The following POMK variants were observed in gnomAD, a reference collection of about 807,000 sequenced individuals.
POMK encodes the protein protein O-mannose kinase.
A neutral mutation model predicts 23.0 loss-of-function variants in POMK; 19 were observed. That is an observed-to-expected ratio of 0.83 (90% CI 0.58 to 1.21). The LOEUF (loss-of-function observed/expected upper bound fraction) is 1.21. Among genes scored for constraint, POMK ranks in the 50% most tolerant of loss-of-function variants. The probability of loss-of-function intolerance (pLI) is 0.00; values close to 1 mark genes in which losing one functional copy is unlikely to be tolerated. For synonymous variants in POMK, 173 were observed against 171.6 expected, an observed-to-expected ratio of 1.01 and a Z score of -0.06; for missense variants, 410 against 431.3, an observed-to-expected ratio of 0.95 and a Z score of 0.44.
chr8:43,097,488 T>C (rs549496736), intron 1 of POMK, 36 bp from the exon 2 acceptor site: 3 of 152,306 alleles, frequency 2.0e-5, no homozygotes, highest in Admixed American at 6.5e-5. Flanking sequence ...TGAATGCTTA[T>C]GATTTTTTTT....
chr8:43,102,503 A>C lies in POMK; in HGVS notation c.-117-2A>C, dbSNP rs1445804284. ...CACTTCCTGTTTGGTACTTTGTGGC[A>C]GGGTGTTTCCCGACCAGTCCCTGGG... On this transcript the variant is annotated splice_acceptor_variant, in intron 2 of 4. Transcript: ENST00000331373. LOFTEE classifies it low-confidence loss of function (5UTR_SPLICE). The C allele has an allele frequency of 6.6e-6, 1 of 152,328 alleles. No homozygotes were observed. Among genetic ancestry groups the C allele is most frequent in the Admixed American group, 6.5e-5 (1 of 15,284 alleles). 9.4% of individuals were successfully genotyped at this position (152,328 alleles called of 1,614,324 possible).
intron 4 of POMK, among the ~76,000 whole-genome samples, chr8:43,111,063 C>T (rs1013626839): frequency 6.6e-6 from 1 of 152,118 alleles, no homozygotes; most frequent in African/African-American, 2.4e-5. Flanking sequence ...TGGGGAGTGC[C>T]GGACAGTGGG....
At chr8:43,114,984 A>G (rs35316170) in intron 4 of POMK, among the ~76,000 whole-genome samples, 7,354 of 152,278 alleles carry the variant, frequency 0.048, 239 homozygotes, top group South Asian at 0.086. Flanking sequence ...GGCCTGTTGT[A>G]TAGTACATTA....
At chr8:43,098,505 A>G (rs1408489358) in intron 2 of POMK, among the ~76,000 whole-genome samples, 2 of 152,178 alleles carry the variant, frequency 1.3e-5, no homozygotes. Context: ...CATTTTGTCT[A>G]TCCATTCATC....
At chr8:43,095,284 C>T (rs1811312223) in intron 1 of POMK, among the ~76,000 whole-genome samples, 1 of 152,146 alleles carries the variant, frequency 6.6e-6, no homozygotes, top group Non-Finnish European at 1.5e-5. Flanking sequence ...ACAACAATTA[C>T]ATCCACTTCA....
intron 3 of POMK, 45 bp downstream of exon 3, chr8:43,102,645 G>A (rs1478209837): frequency 6.6e-6 from 1 of 152,468 alleles, no homozygotes; most frequent in Admixed American, 6.5e-5. Flanking sequence ...TTCTGTCCCA[G>A]TGCCCCAGCA....
intron 1 of POMK, among the ~76,000 whole-genome samples, chr8:43,095,765 TA>T (rs1811321849): frequency 6.6e-6 from 1 of 152,126 alleles, no homozygotes; most frequent in Admixed American, 6.5e-5. Context: ...ATTCTTCTCT[TA>T]AGGAATTACC....
chr8:43,122,629 C>G lies in POMK; in HGVS notation c.805C>G (p.His269Asp). The G allele has an allele frequency of 6.2e-7, 1 of 1,614,160 alleles. No homozygotes were observed. The highest frequency in any genetic ancestry group is 8.5e-7 in the Non-Finnish European group (1 of 1,180,024). The change falls in exon 5 of 5, where the codon CAC (histidine) becomes GAC (aspartate). Residue 269 changes from histidine (H) to aspartate (D), a missense_variant. By Grantham distance (81) the His-to-Asp change is moderately conservative. Coordinates refer to ENST00000331373, the MANE Select transcript of POMK (RefSeq NM_032237.5). Reference sequence around the variant, plus strand: ...GCCCTATGGAGAGGACGTGCCTTTCCACGATGATCTCATGCCCTCATATGA... The same window carrying G: ...GCCCTATGGAGAGGACGTGCCTTTCGACGATGATCTCATGCCCTCATATGA... ...LWPYGEDVPFHDDLMPSYDEK... is the reference protein window; with the variant it reads ...LWPYGEDVPFDDDLMPSYDEK...
intron 4 of POMK, among the ~76,000 whole-genome samples, chr8:43,118,777 C>A (rs1232062420): frequency 1.3e-5 from 2 of 152,130 alleles, no homozygotes; most frequent in African/African-American, 4.8e-5. Flanking sequence ...AGCCCTGGGG[C>A]CTGTGGCTGA....
chr8:43,120,210 A>G (rs1409604329), intron 4 of POMK, among the ~76,000 whole-genome samples: 1 of 149,024 alleles, frequency 6.7e-6, no homozygotes, highest in African/African-American at 2.5e-5. Context: ...CATTTGTAAC[A>G]TTGCTTTTTT....
chr8:43,117,131 G>C (rs1447631111), intron 4 of POMK, among the ~76,000 whole-genome samples: 1 of 152,172 alleles, frequency 6.6e-6, no homozygotes, highest in African/African-American at 2.4e-5. Flanking sequence ...AATATCATCA[G>C]TTAAGGCAAG....
intron 4 of POMK, among the ~76,000 whole-genome samples, chr8:43,119,995 TA>T (rs1346719902): frequency 6.6e-6 from 1 of 151,632 alleles, no homozygotes; most frequent in Non-Finnish European, 1.5e-5. Context: ...ATTTTTGAGT[TA>T]AAAAATTTAA....
intron 1 of POMK, 71 bp downstream of exon 1, chr8:43,093,634 C>G (rs1314533052): frequency 6.5e-6 from 1 of 153,002 alleles, no homozygotes; most frequent in South Asian, 2.1e-4. Context: ...CCGGGGGACC[C>G]TGTACGTGGC....
chr8:43,102,773 A>T (rs1198393660), intron 3 of POMK, among the ~76,000 whole-genome samples, 173 bp downstream of exon 3: 1 of 152,098 alleles, frequency 6.6e-6, no homozygotes, highest in East Asian at 1.9e-4. Flanking sequence ...CCACGGTCCT[A>T]CTTCAGGCTT....
chr8:43,103,404 A>C (rs925633097), intron 3 of POMK, 124 bp from the exon 4 acceptor site: 1 of 855,816 alleles, frequency 1.2e-6, no homozygotes, highest in African/African-American at 1.7e-5. Context: ...TACCTGCTTT[A>C]ATCCCCACGG....
intron 4 of POMK, among the ~76,000 whole-genome samples, chr8:43,107,716 C>T (rs1481320118): frequency 1.0e-4 from 14 of 134,894 alleles, no homozygotes; most frequent in East Asian, 4.5e-4. Flanking sequence ...AGTCTTGCTC[C>T]GTCACCCAGG....
At chr8:43,114,590 C>T (rs1209320303) in intron 4 of POMK, among the ~76,000 whole-genome samples, 4 of 152,358 alleles carry the variant, frequency 2.6e-5, no homozygotes, top group African/African-American at 4.8e-5. Context: ...CGCCGTGCTT[C>T]GGCTCGTGCA....
At chr8:43,111,299 T>C (rs1293551094) in intron 4 of POMK, among the ~76,000 whole-genome samples, 1 of 152,204 alleles carries the variant, frequency 6.6e-6, no homozygotes, top group African/African-American at 2.4e-5. Context: ...CGGAGGGTCC[T>C]ACGCCCATGG....
chr8:43,119,029 T>C (rs1020783053), intron 4 of POMK, among the ~76,000 whole-genome samples: 2 of 152,168 alleles, frequency 1.3e-5, no homozygotes, highest in African/African-American at 4.8e-5. Context: ...GCCAGGATGG[T>C]CTTGATCTCC....
Sources: gnomAD v4.1 joint callset for allele counts (sites outside exome capture counted in the v4.1 genomes callset) on GRCh38, gnomAD v4.1.1 for gene constraint, MANE v1.5 for transcripts, NCBI Gene and HGNC (gene_info 2026-07-23, HGNC 2026-07-21) for gene names.